Variants in ZNF274 observed in about 807,000 individuals in gnomAD.
The protein encoded by ZNF274 is zinc finger protein 274.
ZNF274 carries 23 observed loss-of-function variants against 42.5 expected under a neutral mutation model. The observed-to-expected ratio is 0.54, with a 90% CI of 0.39 to 0.77. The LOEUF (loss-of-function observed/expected upper bound fraction) is 0.77, where lower values mean the gene tolerates loss of function less well. Ranked by LOEUF, ZNF274 falls within the 30% of genes least tolerant of loss-of-function variation. The pLI is 0.00. For missense variants in ZNF274, 679 were observed against 806.5 expected, an observed-to-expected ratio of 0.84 and a Z score of 1.91; for synonymous variants, 292 against 305.4, an observed-to-expected ratio of 0.96 and a Z score of 0.46.
intron 4 of ZNF274, among the ~76,000 whole-genome samples, chr19:58,188,688 G>GTGTATA (rs2075736874): frequency 1.9e-5 from 1 of 52,982 alleles, no homozygotes. Flanking sequence ...ATATATATAT[G>GTGTATA]TATATGTATA....
chr19:58,188,613 A>AT (rs2075729762), intron 4 of ZNF274, among the ~76,000 whole-genome samples: 2 of 68,484 alleles, frequency 2.9e-5, no homozygotes, highest in African/African-American at 1.6e-4. Flanking sequence ...CTCAAAAAAA[A>AT]AAAAAAAATA....
chr19:58,198,368 C>G (rs566680711), intron 4 of ZNF274, among the ~76,000 whole-genome samples: 3 of 152,198 alleles, frequency 2.0e-5, no homozygotes, highest in African/African-American at 7.2e-5. Flanking sequence ...CATGTGTGTA[C>G]TTAAAGTATA....
intron 4 of ZNF274, among the ~76,000 whole-genome samples, chr19:58,200,973 A>C (rs1016997660): frequency 5.3e-5 from 8 of 150,858 alleles, no homozygotes; most frequent in Non-Finnish European, 7.4e-5. Context: ...GCAGCCAGAG[A>C]GAGGAAGAAG....
In ZNF274 at chr19:58,208,648, C is replaced by A. The variant is rs570753314; in HGVS notation, c.740-1313C>A. ...AGCTGGAAAAGGCAAGGAATGGATT[C>A]TCCCTTGGAGCCTCCAAAAGGAACA... On this transcript the variant is annotated intron_variant, in intron 5 of 7. Transcript: ENST00000617501. This position sits in a 1 kb window ranked among gnomAD's most constrained non-coding sequence, Gnocchi z 4.5. The A allele has an allele frequency of 6.6e-6, 1 of 152,388 alleles. No individual in the cohort carries two copies. Among genetic ancestry groups the A allele is most frequent in the South Asian group, 2.1e-4 (1 of 4,830 alleles). 9.4% of individuals were successfully genotyped at this position (152,388 alleles called of 1,614,324 possible).
At chr19:58,188,587 C>CAGAGTG (rs1471749267) in intron 4 of ZNF274, among the ~76,000 whole-genome samples, 1 of 122,970 alleles carries the variant, frequency 8.1e-6, no homozygotes, top group African/African-American at 3.2e-5. Flanking sequence ...CACTGCGTGA[C>CAGAGTG]AGAGTGAGAC....
In ZNF274 at chr19:58,186,983, T is replaced by C; in HGVS notation, c.197T>C (p.Leu66Ser). The C allele has an allele frequency of 1.9e-6, 3 of 1,613,744 alleles. No homozygotes were observed. Among genetic ancestry groups the C allele is most frequent in the Non-Finnish European group, 2.5e-6 (3 of 1,179,806 alleles). The change falls in exon 4 of 8, where the codon TTA becomes TCA. Residue 66 changes from leucine to serine, a missense_variant. Leu to Ser is a moderately radical substitution (Grantham distance 145, BLOSUM62 -2). Transcript: ENST00000617501. The stretch of plus-strand genomic sequence containing the variant: ...TCCAAACCAGATGTGGTATCTCAGT[T>C]AGAGGAGGCAGAAGATTTCTGGCCA... ...QLSKPDVVSQ[L>S]EEAEDFWPVE...
intron 4 of ZNF274, among the ~76,000 whole-genome samples, chr19:58,198,824 T>TAA (rs2075874583): frequency 1.3e-5 from 2 of 151,694 alleles, no homozygotes; most frequent in Admixed American, 1.3e-4. Context: ...TTTTTTTTTT[T>TAA]TTTAGAACAA....
intron 4 of ZNF274, among the ~76,000 whole-genome samples, chr19:58,188,676 G>GTGTA (rs1555816861): frequency 1.0e-4 from 8 of 79,770 alleles, no homozygotes; most frequent in Admixed American, 3.4e-4. Context: ...GTGTGTGTGT[G>GTGTA]TATATATATA....
Position 58,207,125 on chromosome 19 carries a change from TGGAATC to T in ZNF274, c.664_669del (p.Glu222_Ser223del). Reference sequence around the variant, plus strand: ...CTGCCTGTGAAGCTCCGGACATGGGTGGAATCGCAGCACCCAGAGAACTGCCAAGAG... The same window carrying T: ...CTGCCTGTGAAGCTCCGGACATGGGTGCAGCACCCAGAGAACTGCCAAGAG... On this transcript the variant is annotated inframe_deletion, in exon 5 of 8. Coordinates refer to ENST00000617501, the MANE Select transcript of ZNF274 (RefSeq NM_133502.3). This position sits in a 1 kb window ranked among gnomAD's most constrained non-coding sequence, Gnocchi z 5.6. 6.2e-7 allele frequency: 1 copy of T among 1,613,400 alleles called. No individual in the cohort carries two copies. Among genetic ancestry groups the T allele is most frequent in the Non-Finnish European group, 8.5e-7 (1 of 1,179,794 alleles).
At chr19:58,206,035 A>T (rs1424067883) in intron 4 of ZNF274, among the ~76,000 whole-genome samples, 1 of 152,204 alleles carries the variant, frequency 6.6e-6, no homozygotes, top group Non-Finnish European at 1.5e-5. Flanking sequence ...TAATTCCAGA[A>T]CATTTTCTTC....
At chr19:58,187,885 C>G (rs185512069) in intron 4 of ZNF274, among the ~76,000 whole-genome samples, 5 of 152,170 alleles carry the variant, frequency 3.3e-5, no homozygotes, top group Admixed American at 3.3e-4. Context: ...ACCATGACTC[C>G]AGGCTAGTTT....
chr19:58,211,388 AC>A lies in ZNF274; in HGVS notation c.853-169del. 1 of 746,768 alleles carries A rather than the reference AC, an allele frequency of 1.3e-6. No individual in the cohort carries two copies. The highest frequency in any genetic ancestry group is 2.0e-6 in the Non-Finnish European group (1 of 494,016). 46.3% of individuals were successfully genotyped at this position (746,768 alleles called of 1,614,324 possible). ...GCCTGAGACCCAGACCCTGGTTTGG[AC>A]CCAGTAGAACTCTTGTGGGCCCTGG... On this transcript the variant is annotated intron_variant, in intron 6 of 7. Coordinates refer to ENST00000617501, the MANE Select transcript of ZNF274 (RefSeq NM_133502.3). This position sits in a 1 kb window ranked among gnomAD's most constrained non-coding sequence, Gnocchi z 4.8.
Position 58,212,394 on chromosome 19 carries a change from T to C in ZNF274, c.1213T>C (p.Ser405Pro), listed in dbSNP as rs2076052696. The C allele has an allele frequency of 1.2e-6, 2 of 1,613,006 alleles. No homozygotes were observed. Among genetic ancestry groups the C allele is most frequent in the South Asian group, 2.2e-5 (2 of 91,060 alleles). ...GAAGAAGCACTTTGACAACCGTGAG[T>C]CCCAGGCAAACAGTGGTGCTCTTGA... ...PQKKHFDNRE[S>P]QANSGALDTN... is the part of the protein sequence containing the mutation. Residue 405 changes from serine (S) to proline (P), a missense_variant, in exon 8 of 8, where the codon TCC (serine) becomes CCC (proline). By Grantham distance (74) the Ser-to-Pro change is moderately conservative (BLOSUM62 -1). Coordinates refer to ENST00000617501, the MANE Select transcript of ZNF274 (RefSeq NM_133502.3). The surrounding 1 kb of genome is among the most constrained non-coding windows in gnomAD (Gnocchi z 4.6).
chr19:58,196,063 G>C (rs906651207), intron 4 of ZNF274, among the ~76,000 whole-genome samples: 9 of 152,210 alleles, frequency 5.9e-5, no homozygotes, highest in African/African-American at 2.2e-4. Flanking sequence ...AAGCAATGTA[G>C]GGAAAATAGG....
At chr19:58,203,427 TAC>T (rs1402477690) in intron 4 of ZNF274, among the ~76,000 whole-genome samples, 3 of 151,708 alleles carry the variant, frequency 2.0e-5, no homozygotes, top group African/African-American at 7.3e-5. Flanking sequence ...CTACTAAAAA[TAC>T]AAAAATTAGC....
At position 58,212,775 on chromosome 19, in the gene ZNF274, G is replaced by A. The variant is rs1225883045; in HGVS notation, c.1594G>A (p.Glu532Lys). The A allele has an allele frequency of 6.2e-7, 1 of 1,614,028 alleles. No individual in the cohort carries two copies. ...TGTGCATAAGAAAATCCATACCGGA[G>A]AGAGGCCCTATGTGTGTCAAGACTG... The part of the protein sequence containing the change: ...FSVHKKIHTG[E>K]RPYVCQDCGK... Residue 532 changes from glutamate (E) to lysine (K), a missense_variant, in exon 8 of 8, where the codon GAG (glutamate) becomes AAG (lysine). Coordinates refer to ENST00000617501, the MANE Select transcript of ZNF274 (RefSeq NM_133502.3). This position sits in a 1 kb window ranked among gnomAD's most constrained non-coding sequence, Gnocchi z 4.6.
In ZNF274 at chr19:58,207,132, G is replaced by A. The variant is rs200201609; in HGVS notation, c.669G>A (p.Ser223=). Residue 223 remains serine, a synonymous_variant, in exon 5 of 8, where the codon TCG becomes TCA. Coordinates refer to ENST00000617501, the MANE Select transcript of ZNF274 (RefSeq NM_133502.3). This position sits in a 1 kb window ranked among gnomAD's most constrained non-coding sequence, Gnocchi z 5.6. The stretch of plus-strand genomic sequence containing the variant: ...TGAAGCTCCGGACATGGGTGGAATC[G>A]CAGCACCCAGAGAACTGCCAAGAGG... The part of the protein sequence containing the change: ...LPVKLRTWVE[S]QHPENCQEVV... The A allele has an allele frequency of 2.2e-4, 362 of 1,613,300 alleles. No individual in the cohort carries two copies. The highest frequency in any genetic ancestry group is 2.8e-4 in the Non-Finnish European group (326 of 1,179,750).
At chr19:58,196,528 G>GA (rs1365828151) in intron 4 of ZNF274, among the ~76,000 whole-genome samples, 5 of 150,090 alleles carry the variant, frequency 3.3e-5, no homozygotes, top group Admixed American at 6.6e-5. Flanking sequence ...TGCCACTGCA[G>GA]AAAAAAAAAC....
At chr19:58,190,669 T>C (rs899633846) in intron 4 of ZNF274, among the ~76,000 whole-genome samples, 7 of 152,232 alleles carry the variant, frequency 4.6e-5, no homozygotes, top group Non-Finnish European at 8.8e-5. Context: ...GAGTCTTGAA[T>C]TTTTAAAGGG....
Sources: allele counts gnomAD v4.1 joint callset (sites outside exome capture counted in the v4.1 genomes callset), GRCh38; gene constraint gnomAD v4.1.1; non-coding constraint Gnocchi (gnomAD v3.1); transcripts MANE v1.5; gene names NCBI Gene and HGNC (gene_info 2026-07-23, HGNC 2026-07-21).